SNTG1: variants seen among roughly 807,000 people sequenced by gnomAD.
SNTG1 encodes the protein gamma-1-syntrophin.
In SNTG1, 39 loss-of-function variants were observed where a neutral mutation model predicts 74.7. The observed-to-expected ratio is 0.52, with a 90% CI of 0.40 to 0.68. The LOEUF (loss-of-function observed/expected upper bound fraction) is 0.68, where lower values mean the gene tolerates loss of function less well. Among genes scored for constraint, SNTG1 ranks in the 30% least tolerant of loss-of-function variants. The pLI, the probability that SNTG1 is intolerant of heterozygous loss-of-function variation, is 0.00. For synonymous variants in SNTG1, 254 were observed against 217.1 expected (o/e 1.17, Z -1.49); for missense variants, 685 against 609.5 (o/e 1.12, Z -1.30).
At chr8:50,222,602 T>G (rs796587869) in intron 2 of SNTG1, among the ~76,000 whole-genome samples, 1 of 152,152 alleles carries the variant, frequency 6.6e-6, no homozygotes, top group African/African-American at 2.4e-5. Context: ...TTTCCTTAAT[T>G]GTCCAGTTTG....
chr8:50,468,719 T>A (rs986028105), intron 8 of SNTG1, among the ~76,000 whole-genome samples: 12 of 152,210 alleles, frequency 7.9e-5, no homozygotes, highest in African/African-American at 2.9e-4. Flanking sequence ...CCCACTCTTT[T>A]TTAACTTCCT....
chr8:50,422,766 A>G (rs1481487309), intron 4 of SNTG1, among the ~76,000 whole-genome samples: 1 of 152,158 alleles, frequency 6.6e-6, no homozygotes, highest in Non-Finnish European at 1.5e-5. Flanking sequence ...CTTAGGTTTG[A>G]CAATAGTGAT....
At chr8:50,768,692 G>A (rs1407083452) in intron 18 of SNTG1, among the ~76,000 whole-genome samples, 1 of 151,976 alleles carries the variant, frequency 6.6e-6, no homozygotes, top group Non-Finnish European at 1.5e-5. Flanking sequence ...CTCATTTCCA[G>A]CTGTACAAAG....
At chr8:50,009,315 G>T (rs530137514) in intron 1 of SNTG1, among the ~76,000 whole-genome samples, 1 of 152,138 alleles carries the variant, frequency 6.6e-6, no homozygotes, top group Admixed American at 6.5e-5. Context: ...TGTTCTTATT[G>T]TGCATGATAT....
At chr8:50,057,330 T>C (rs1361501352) in intron 1 of SNTG1, among the ~76,000 whole-genome samples, 1 of 152,086 alleles carries the variant, frequency 6.6e-6, no homozygotes, top group Non-Finnish European at 1.5e-5. Flanking sequence ...GAAGACACAA[T>C]GGGTTAGGGT....
At chr8:50,205,397 T>C (rs1205962149) in intron 2 of SNTG1, among the ~76,000 whole-genome samples, 9 of 152,196 alleles carry the variant, frequency 5.9e-5, no homozygotes, top group African/African-American at 2.2e-4. Context: ...TCATATCCTT[T>C]GCCCACTTTT....
intron 1 of SNTG1, among the ~76,000 whole-genome samples, chr8:50,075,493 A>G (rs1157492002): frequency 6.6e-6 from 1 of 152,224 alleles, no homozygotes; most frequent in East Asian, 1.9e-4. Flanking sequence ...TTGTAAACGC[A>G]TTAATCAGCA....
chr8:50,101,336 G>C (rs2080117218), intron 1 of SNTG1, among the ~76,000 whole-genome samples: 1 of 152,024 alleles, frequency 6.6e-6, no homozygotes, highest in Admixed American at 6.6e-5. Flanking sequence ...CCTGTTTTAA[G>C]TTATTTGAGA....
chr8:50,377,972 C>G (rs2092417174), intron 2 of SNTG1, among the ~76,000 whole-genome samples: 1 of 152,166 alleles, frequency 6.6e-6, no homozygotes, highest in African/African-American at 2.4e-5. Flanking sequence ...CGGATGGAAA[C>G]CTCTGTGGCT....
chr8:50,668,458 TCTTGTCTAGAG>T (rs2095261219), intron 15 of SNTG1, among the ~76,000 whole-genome samples: 1 of 151,052 alleles, frequency 6.6e-6, no homozygotes, highest in Non-Finnish European at 1.5e-5. Context: ...TTTAGCTAGA[TCTTGTCTAGAG>T]ATACCTATGT....
intron 2 of SNTG1, among the ~76,000 whole-genome samples, chr8:50,335,534 C>A (rs866287675): frequency 3.3e-5 from 5 of 152,134 alleles, no homozygotes; most frequent in Non-Finnish European, 7.4e-5. Flanking sequence ...ACTTAGAAGT[C>A]TCTTTCTGTC....
At chr8:50,782,475 T>C (rs1270628667) in intron 18 of SNTG1, among the ~76,000 whole-genome samples, 1 of 152,320 alleles carries the variant, frequency 6.6e-6, no homozygotes, top group South Asian at 2.1e-4. Context: ...TCACTGATAC[T>C]CTTTCTTCCA....
chr8:50,576,391 A>G (rs2130792621), intron 12 of SNTG1, among the ~76,000 whole-genome samples: 1 of 152,304 alleles, frequency 6.6e-6, no homozygotes, highest in East Asian at 1.9e-4. Context: ...TTTTGAAATC[A>G]AGAAATACGT....
At chr8:50,571,180 G>A (rs573306460) in intron 12 of SNTG1, among the ~76,000 whole-genome samples, 133 of 152,202 alleles carry the variant, frequency 8.7e-4, no homozygotes, top group African/African-American at 2.6e-3. Flanking sequence ...TTCAGCAGCC[G>A]TGGAACTATG....
At chr8:50,646,314 G>A (rs1272887563) in intron 13 of SNTG1, among the ~76,000 whole-genome samples, 1 of 152,098 alleles carries the variant, frequency 6.6e-6, no homozygotes, top group East Asian at 1.9e-4. Context: ...AATATTGAGA[G>A]GTAGGTTCCA....
chr8:49,972,385 C>A (rs376174747), intron 1 of SNTG1, among the ~76,000 whole-genome samples: 1 of 152,044 alleles, frequency 6.6e-6, no homozygotes, highest in Non-Finnish European at 1.5e-5. Context: ...TTAAAGACTT[C>A]AATGTTAGAC....
intron 2 of SNTG1, among the ~76,000 whole-genome samples, chr8:50,239,121 C>T (rs2086053347): frequency 6.6e-6 from 1 of 152,156 alleles, no homozygotes; most frequent in Admixed American, 6.5e-5. Context: ...CCATTCAACC[C>T]TGCAATCACA....
Position 50,343,564 on chromosome 8 carries a change from A to G in SNTG1, c.-27-50648A>G, listed in dbSNP as rs531011328. 2.0e-5 allele frequency among the ~76,000 whole-genome samples: 3 copies of G among 152,366 alleles called. No individual in the cohort carries two copies. The South Asian group carries it at 6.2e-4, about 32-fold the overall frequency. On this transcript the variant is annotated intron_variant, in intron 2 of 18. Transcript: ENST00000642720. ...ATCTTAACATAAATATTAATGATGT[A>G]TTGGATTTTTAATAAAGAAATGTAA... is the stretch of plus-strand genomic sequence containing the variant.
intron 2 of SNTG1, among the ~76,000 whole-genome samples, chr8:50,266,662 G>GTC (rs1490650681): frequency 8.5e-6 from 1 of 116,974 alleles, no homozygotes; most frequent in East Asian, 3.0e-4. Context: ...GTGTGTGTGT[G>GTC]TGTGTGTGTG....
Sources: allele counts gnomAD v4.1 joint callset (sites outside exome capture counted in the v4.1 genomes callset), GRCh38; gene constraint gnomAD v4.1.1; transcripts MANE v1.5; gene names NCBI Gene and HGNC (gene_info 2026-07-23, HGNC 2026-07-21).